The following MSI2 variants were observed in gnomAD, a reference collection of about 807,000 sequenced individuals.
MSI2 encodes RNA-binding protein Musashi homolog 2.
Under a neutral mutation model 45.6 loss-of-function variants are expected in MSI2, and 17 were observed. The observed-to-expected ratio is 0.37, with a 90% CI of 0.26 to 0.56. The LOEUF is 0.56. Among genes scored for constraint, MSI2 ranks in the 20% least tolerant of loss-of-function variants. The pLI is 0.77. For missense variants in MSI2, 293 were observed against 444.2 expected (o/e 0.66, Z 3.06); for synonymous variants, 156 against 158.2 (o/e 0.99, Z 0.11).
intron 5 of MSI2, among the ~76,000 whole-genome samples, chr17:57,327,263 C>T (rs1478806155): frequency 1.3e-5 from 2 of 152,122 alleles, no homozygotes; most frequent in Admixed American, 6.5e-5. Context: ...GACAGAGGGA[C>T]ACCCCATCTC....
At chr17:57,257,573 T>G (rs761034318) in intron 3 of MSI2, 26 bp downstream of exon 3, 18 of 1,503,600 alleles carry the variant, frequency 1.2e-5, no homozygotes, top group Non-Finnish European at 1.7e-5. Context: ...CTGGATTTTG[T>G]CTTTATTTTA....
At chr17:57,376,253 A>G (rs2083494458) in intron 5 of MSI2, among the ~76,000 whole-genome samples, 1 of 152,208 alleles carries the variant, frequency 6.6e-6, no homozygotes, top group Non-Finnish European at 1.5e-5. Flanking sequence ...GAGAAAAGGT[A>G]TACAATACTT....
chr17:57,612,660 G>A (rs1907283878), intron 8 of MSI2, among the ~76,000 whole-genome samples: 1 of 152,218 alleles, frequency 6.6e-6, no homozygotes, highest in South Asian at 2.1e-4. Flanking sequence ...AGAGCTGTCA[G>A]CCCTGTTCAG....
chr17:57,364,214 G>T (rs1735070161), intron 5 of MSI2, among the ~76,000 whole-genome samples: 1 of 152,232 alleles, frequency 6.6e-6, no homozygotes. Context: ...GTGGTGAGGG[G>T]CCAGAAGGCT....
intron 6 of MSI2, among the ~76,000 whole-genome samples, chr17:57,502,608 T>TAC (rs2086134302): frequency 1.1e-5 from 1 of 94,400 alleles, no homozygotes; most frequent in Non-Finnish European, 2.1e-5. Flanking sequence ...CTGAGATATA[T>TAC]ATATATATAT....
At chr17:57,276,400 G>C (rs1333083659) in intron 5 of MSI2, among the ~76,000 whole-genome samples, 1 of 152,240 alleles carries the variant, frequency 6.6e-6, no homozygotes, top group African/African-American at 2.4e-5. Flanking sequence ...CTGATTTGGA[G>C]GGTTAATATT....
Position 57,607,379 on chromosome 17 carries a change from T to A in MSI2, c.538-8591T>A, listed in dbSNP as rs543612767. 5.9e-5 allele frequency among the ~76,000 whole-genome samples: 9 copies of A among 152,382 alleles called. No homozygotes were observed. In the East Asian group the frequency reaches 1.7e-3, roughly 29 times the overall value. On this transcript the variant is annotated intron_variant, in intron 8 of 13. Coordinates refer to ENST00000284073, the MANE Select transcript of MSI2 (RefSeq NM_138962.4). ...GACATTCCTGCTGCCTGCCTTTCCCTATGGAAGCTGGCAGCTCCATTTCTG... is the reference window on the plus strand; with the variant it reads ...GACATTCCTGCTGCCTGCCTTTCCCAATGGAAGCTGGCAGCTCCATTTCTG...
At chr17:57,654,080 C>T (rs1247275161) in intron 11 of MSI2, among the ~76,000 whole-genome samples, 1 of 152,212 alleles carries the variant, frequency 6.6e-6, no homozygotes, top group African/African-American at 2.4e-5. Flanking sequence ...TCCCAGACCA[C>T]CTGCCCACAC....
At chr17:57,613,970 A>AT (rs1907425234) in intron 8 of MSI2, among the ~76,000 whole-genome samples, 1 of 152,174 alleles carries the variant, frequency 6.6e-6, no homozygotes. Flanking sequence ...GCACTAAAAT[A>AT]TTTTTTGATT....
chr17:57,505,436 G>A (rs2086206291), intron 6 of MSI2, among the ~76,000 whole-genome samples: 2 of 152,150 alleles, frequency 1.3e-5, no homozygotes, highest in South Asian at 4.1e-4. Context: ...AAGGTTGGGA[G>A]TTTAGGTATA....
At chr17:57,685,187 A>T (rs953586772), downstream of MSI2, among the ~76,000 whole-genome samples, 1 of 152,230 alleles carries the variant, frequency 6.6e-6, no homozygotes, top group Non-Finnish European at 1.5e-5. Flanking sequence ...ACAAAACTAA[A>T]GATGTAGAGA....
At chr17:57,664,504 CA>C (rs1912228826) in intron 11 of MSI2, among the ~76,000 whole-genome samples, 1 of 151,454 alleles carries the variant, frequency 6.6e-6, no homozygotes, top group African/African-American at 2.4e-5. Flanking sequence ...GGTGACATAG[CA>C]AGACTCCCTC....
At chr17:57,537,516 GGTAGGGTTGAAGGGGAAT>G (rs2086946732) in intron 7 of MSI2, among the ~76,000 whole-genome samples, 2 of 152,236 alleles carry the variant, frequency 1.3e-5, no homozygotes, top group Admixed American at 6.5e-5. Context: ...CAATTAAAAG[GGTAGGGTTGAAGGGGAAT>G]GTGAATTTGA....
At chr17:57,464,298 G>A (rs959731654) in intron 6 of MSI2, among the ~76,000 whole-genome samples, 14 of 152,032 alleles carry the variant, frequency 9.2e-5, no homozygotes, top group African/African-American at 3.4e-4. Flanking sequence ...ACAAAAATTA[G>A]TCAGGCGTGG....
rs541505778 is a variant in MSI2, at chr17:57,445,410, T to A, written c.405+43939T>A. ...ACTTTACCTCCTGTAGTGACAAAGT[T>A]CTGTGTCAGCCTGAATTTCAATTTC... On this transcript the variant is annotated intron_variant, in intron 6 of 13. Coordinates refer to ENST00000284073, the MANE Select transcript of MSI2 (RefSeq NM_138962.4). Among the ~76,000 whole-genome samples the A allele has an allele frequency of 1.1e-3, 162 of 152,316 alleles. No individual in the cohort carries two copies. In the Middle Eastern group the frequency reaches 0.02, roughly 19 times the overall value.
intron 7 of MSI2, among the ~76,000 whole-genome samples, chr17:57,548,070 A>G (rs866462138): frequency 4.6e-5 from 7 of 152,332 alleles, no homozygotes; most frequent in Middle Eastern, 3.4e-3. Flanking sequence ...GAGAGATCCC[A>G]TAGATGTGGA....
chr17:57,519,191 T>C (rs1467919846), intron 6 of MSI2, among the ~76,000 whole-genome samples: 4 of 152,182 alleles, frequency 2.6e-5, no homozygotes, highest in African/African-American at 9.6e-5. Flanking sequence ...TCCCTTGGCA[T>C]AGTCCATTCA....
At chr17:57,316,675 A>G (rs1409220019) in intron 5 of MSI2, among the ~76,000 whole-genome samples, 3 of 151,832 alleles carry the variant, frequency 2.0e-5, no homozygotes, top group African/African-American at 7.3e-5. Flanking sequence ...TTCCTTTCCC[A>G]TGTGTACTTG....
At chr17:57,689,896 A>T in the MSI2 span, among the ~76,000 whole-genome samples, 21,709 of 152,218 alleles carry the variant, frequency 0.14, 2,176 homozygotes, top group East Asian at 0.49. Context: ...CATTATATAG[A>T]TATACCCAAT....
Sources: gnomAD v4.1 joint callset for allele counts (sites outside exome capture counted in the v4.1 genomes callset) on GRCh38, gnomAD v4.1.1 for gene constraint, MANE v1.5 for transcripts, NCBI Gene and HGNC (gene_info 2026-07-23, HGNC 2026-07-21) for gene names.